Variants in TFDP2 observed in about 807,000 individuals in gnomAD.
The protein encoded by TFDP2 is transcription factor Dp-2 (E2F dimerization partner 2).
A neutral mutation model predicts 59.3 loss-of-function variants in TFDP2; 17 were observed. The observed-to-expected ratio is 0.29, with a 90% CI of 0.20 to 0.43. The LOEUF (loss-of-function observed/expected upper bound fraction) is 0.43, where lower values mean the gene tolerates loss of function less well. Among genes scored for constraint, TFDP2 ranks in the 20% least tolerant of loss-of-function variants. The pLI is 1.00. For missense variants in TFDP2, 391 were observed against 528.8 expected (o/e 0.74, Z 2.56); for synonymous variants, 180 against 194.7 (o/e 0.92, Z 0.63).
At chr3:142,091,818 T>C (rs907367502) in intron 3 of TFDP2, among the ~76,000 whole-genome samples, 5 of 152,108 alleles carry the variant, frequency 3.3e-5, no homozygotes, top group Non-Finnish European at 5.9e-5. Flanking sequence ...CAGTTCACAA[T>C]AGGGTTCGCC....
intron 6 of TFDP2, among the ~76,000 whole-genome samples, chr3:141,984,603 T>C (rs1056061697): frequency 1.3e-5 from 2 of 152,172 alleles, no homozygotes; most frequent in Admixed American, 6.6e-5. Context: ...AAATGTAGTG[T>C]TGTTGCTTCA....
At chr3:142,124,834 T>A (rs2062179163) in intron 1 of TFDP2, among the ~76,000 whole-genome samples, 1 of 152,086 alleles carries the variant, frequency 6.6e-6, no homozygotes, top group East Asian at 1.9e-4. Context: ...CCTTGTGAAC[T>A]ATGAGCTCCT....
At chr3:141,971,063 GAA>G (rs879436749) in intron 8 of TFDP2, among the ~76,000 whole-genome samples, 1 of 123,918 alleles carries the variant, frequency 8.1e-6, no homozygotes, top group Non-Finnish European at 1.8e-5. Context: ...GTCTCAAAAA[GAA>G]AAAAAAAAAA....
chr3:141,973,123 A>ATATATATATTTTTTTTTTTT, intron 8 of TFDP2, among the ~76,000 whole-genome samples: 12 of 58,014 alleles, frequency 2.1e-4, no homozygotes, highest in Admixed American at 3.6e-4. Context: ...ATATATATAT[A>ATATATATATTTTTTTTTTTT]TTTTTTTTTT....
chr3:142,132,150 T>C (rs570607917), intron 1 of TFDP2, among the ~76,000 whole-genome samples: 1 of 150,262 alleles, frequency 6.7e-6, no homozygotes, highest in South Asian at 2.1e-4. Flanking sequence ...TTTTGCAATA[T>C]AAAGGGATGA....
At chr3:141,996,231 A>AAACT (rs1405296397) in intron 4 of TFDP2, among the ~76,000 whole-genome samples, 1 of 152,230 alleles carries the variant, frequency 6.6e-6, no homozygotes, top group African/African-American at 2.4e-5. Flanking sequence ...TAATACAAAA[A>AAACT]AACTAGCAGC....
rs1935824729 is a variant in TFDP2, at chr3:141,950,461, A to C, written c.*2052T>G. ...ATATTTTATCAATTTAAAGCATGAGAGCAGCAGAGATGGAGAGTAGAGAAA... is the reference window on the plus strand; with the variant it reads ...ATATTTTATCAATTTAAAGCATGAGCGCAGCAGAGATGGAGAGTAGAGAAA... On this transcript the variant is annotated 3_prime_UTR_variant, in exon 13 of 13. Transcript: ENST00000489671. 6.6e-6 allele frequency: 1 copy of C among 152,606 alleles called. No homozygotes were observed. Among genetic ancestry groups the C allele is most frequent in the African/African-American group, 2.4e-5 (1 of 41,454 alleles). 9.5% of individuals were successfully genotyped at this position (152,606 alleles called of 1,614,324 possible). A position where few individuals can be genotyped will look rare whatever the true frequency, so the allele number is the denominator to read the frequency against.
intron 1 of TFDP2, among the ~76,000 whole-genome samples, chr3:142,137,934 G>C (rs531250495): frequency 2.0e-4 from 31 of 152,302 alleles, no homozygotes; most frequent in Non-Finnish European, 3.4e-4. Flanking sequence ...GATTAGAATA[G>C]TTTCAGAAGG....
At chr3:142,043,825 T>C in intron 3 of TFDP2, 10 of 1,559,492 alleles carry the variant, frequency 6.4e-6, no homozygotes, top group Non-Finnish European at 8.8e-6. Context: ...TTTGAACACA[T>C]TTCCCTTCAC....
At chr3:141,964,481 A>C (rs1224129619) in intron 9 of TFDP2, among the ~76,000 whole-genome samples, 1 of 152,198 alleles carries the variant, frequency 6.6e-6, no homozygotes, top group East Asian at 1.9e-4. Context: ...GCAAAACCCT[A>C]TCTCTACAAA....
At chr3:142,051,583 C>T (rs1441919038) in intron 3 of TFDP2, among the ~76,000 whole-genome samples, 1 of 151,320 alleles carries the variant, frequency 6.6e-6, no homozygotes, top group East Asian at 1.9e-4. Context: ...AATTGTCCTT[C>T]ATTGAGAACC....
rs534531842 is a variant in TFDP2 at position 142,062,323 on chromosome 3, GGAGGTCAGT to G, written c.82+30729_82+30737del. ...TATACACAGATTTTTGACTGCACAG[GGAGGTCAGT>G]GCCCCAACCACTGCGTTGTTCAAGG... On this transcript the variant is annotated intron_variant, in intron 3 of 12. Coordinates refer to ENST00000489671, the MANE Select transcript of TFDP2 (RefSeq NM_001178139.2). Among the ~76,000 whole-genome samples, 61 of 150,990 alleles carry G rather than the reference GGAGGTCAGT, an allele frequency of 4.0e-4. No individual in the cohort carries two copies. The East Asian group carries it at 0.01, about 26-fold the overall frequency.
rs12494971 is a variant in TFDP2 at position 141,945,502 on chromosome 3, C to G, written c.*7011G>C. On this transcript the variant is annotated 3_prime_UTR_variant, in exon 13 of 13. Coordinates refer to ENST00000489671, the MANE Select transcript of TFDP2 (RefSeq NM_001178139.2). Reference sequence around the variant, plus strand: ...TGCGTGAAGGAACTCAGTACTGAAACGTGATCCCCGGAGTGCAGCCACCTG... The same window carrying G: ...TGCGTGAAGGAACTCAGTACTGAAAGGTGATCCCCGGAGTGCAGCCACCTG... The G allele has an allele frequency of 0.08, 12,168 of 152,348 alleles. 615 individuals are homozygous for G. Among genetic ancestry groups the G allele is most frequent in the East Asian group, 0.16 (828 of 5,164 alleles). 9.4% of individuals were successfully genotyped at this position (152,348 alleles called of 1,614,324 possible).
At chr3:141,984,466 G>A (rs1941851858) in intron 6 of TFDP2, among the ~76,000 whole-genome samples, 2 of 152,064 alleles carry the variant, frequency 1.3e-5, no homozygotes, top group Admixed American at 6.6e-5. Context: ...CACCGTACAC[G>A]CCTGGCGACA....
intron 1 of TFDP2, among the ~76,000 whole-genome samples, chr3:142,107,248 T>TC (rs2061504859): frequency 6.6e-6 from 1 of 151,712 alleles, no homozygotes; most frequent in Admixed American, 6.6e-5. Flanking sequence ...TTTTTTTTTT[T>TC]CGAGACGGAG....
intron 6 of TFDP2, among the ~76,000 whole-genome samples, chr3:141,979,675 G>A (rs1941233159): frequency 1.3e-5 from 2 of 151,934 alleles, no homozygotes; most frequent in Admixed American, 6.6e-5. Context: ...TGCAACCTCC[G>A]CCTCCCAGGT....
chr3:142,004,332 A>G (rs1463989290), intron 4 of TFDP2, among the ~76,000 whole-genome samples: 1 of 152,230 alleles, frequency 6.6e-6, no homozygotes, highest in Non-Finnish European at 1.5e-5. Flanking sequence ...GGTATGTTAA[A>G]AGATATCTTT....
At chr3:142,065,919 A>G (rs2060061871) in intron 3 of TFDP2, among the ~76,000 whole-genome samples, 1 of 152,176 alleles carries the variant, frequency 6.6e-6, no homozygotes, top group Non-Finnish European at 1.5e-5. Flanking sequence ...AATCCAAAAA[A>G]GTAATGCAGG....
intron 1 of TFDP2, among the ~76,000 whole-genome samples, chr3:142,120,896 C>T (rs150869486): frequency 3.3e-5 from 5 of 152,146 alleles, no homozygotes; most frequent in East Asian, 3.9e-4. Context: ...AAAGCTGCAA[C>T]GACTGCTTTA....
Sources: allele counts gnomAD v4.1 joint callset (sites outside exome capture counted in the v4.1 genomes callset), GRCh38; gene constraint gnomAD v4.1.1; transcripts MANE v1.5; gene names NCBI Gene and HGNC (gene_info 2026-07-23, HGNC 2026-07-21).